Variants in CELSR3 observed in about 807,000 individuals in gnomAD.
The protein encoded by CELSR3 is cadherin EGF LAG seven-pass G-type receptor 3.
In CELSR3, 73 loss-of-function variants were observed where a neutral mutation model predicts 270.0. The observed-to-expected ratio is 0.27, with a 90% CI of 0.22 to 0.33. The LOEUF is 0.33. CELSR3 is among the 10% of genes least tolerant of loss of function. The pLI is 1.00. For missense variants in CELSR3, 3,614 were observed against 4,533.8 expected (o/e 0.80, Z 5.83); for synonymous variants, 1,780 against 1,905.4 (o/e 0.93, Z 1.71).
Position 48,648,622 on chromosome 3 carries a change from T to C in CELSR3, c.6777+97A>G, listed in dbSNP as rs1022766250. The C allele has an allele frequency of 3.4e-6, 5 of 1,457,036 alleles. No homozygotes were observed. The African/African-American group carries it at 5.6e-5, about 16-fold the overall frequency. 90.3% of individuals were successfully genotyped at this position (1,457,036 alleles called of 1,614,324 possible). On this transcript the variant is annotated intron_variant, in intron 18 of 34. Coordinates refer to ENST00000164024, the MANE Select transcript of CELSR3 (RefSeq NM_001407.3). The stretch of plus-strand genomic sequence containing the variant: ...CAGAGGGAGAGCCCAGGACCTTCAC[T>C]TCCCAAGAGAACAGCAGGAGCCTGA...
In CELSR3 at chr3:48,662,619, G is replaced by A; in HGVS notation, c.16C>T (p.Pro6Ser). 2 of 1,424,846 alleles carry A rather than the reference G, an allele frequency of 1.4e-6. No individual in the cohort carries two copies. Among genetic ancestry groups the A allele is most frequent in the Non-Finnish European group, 1.9e-6 (2 of 1,074,160 alleles). The allele number at this position is 1,424,846 out of a possible 1,614,324, so 88.3% of individuals were successfully genotyped here. ...CGTCCCCCGAGGCCCCGCCACGGCG[G>A]CCGCCTCGCCATCATCCCCCGCCTC... Reference protein sequence around the residue: MMARRPPWRGLGGRST... With the variant: MMARRSPWRGLGGRST... Residue 6 changes from proline (P) to serine (S), a missense_variant, in exon 1 of 35, where the codon CCG becomes TCG. By Grantham distance (74) the Pro-to-Ser change is moderately conservative (BLOSUM62 -1). This residue lies in a region of CELSR3 where 470 missense variants were observed against 469.7 expected (regional missense o/e 1.00). Transcript: ENST00000164024. This position sits in a 1 kb window ranked among gnomAD's most constrained non-coding sequence, Gnocchi z 7.1.
At position 48,651,465 on chromosome 3, in the gene CELSR3, C is replaced by T; in HGVS notation, c.6080G>A (p.Cys2027Tyr). ...TGGGCTCCCCCACCAGCCCCGTGGG[C>T]ACTGCTGGTCCATCCTGGGGGTGCA... ...HHCEHRMDQQ[C>Y]PRGWWGSPTC... Residue 2027 changes from cysteine to tyrosine, a missense_variant, in exon 14 of 35, where the codon TGC becomes TAC. Physicochemically the swap from Cys to Tyr is radical, Grantham distance 194. Around this residue, in one of 7 missense-constraint regions of CELSR3, gnomAD observed 1,331 missense variants for 1,933.7 expected, o/e 0.69. Transcript: ENST00000164024. The surrounding 1 kb of genome is among the most constrained non-coding windows in gnomAD (Gnocchi z 7.4). 6.2e-7 allele frequency: 1 copy of T among 1,613,890 alleles called. No homozygotes were observed. The highest frequency in any genetic ancestry group is 8.5e-7 in the Non-Finnish European group (1 of 1,179,936).
Position 48,639,033 on chromosome 3 carries a change from C to T in CELSR3, c.9911+641G>A, listed in dbSNP as rs1200971154. On this transcript the variant is annotated intron_variant, in intron 34 of 34. Transcript: ENST00000164024. The surrounding 1 kb of genome is among the most constrained non-coding windows in gnomAD (Gnocchi z 4.1). ...TTCCTCCCCACTCCCACCAGTCCCT[C>T]TCGGACTCCTGTGTATCCAGCTATT... Among the ~76,000 whole-genome samples the T allele has an allele frequency of 1.3e-5, 2 of 152,098 alleles. No individual in the cohort carries two copies. The highest frequency in any genetic ancestry group is 2.9e-5 in the Non-Finnish European group (2 of 68,014).
chr3:48,641,233 A>G lies in CELSR3; in HGVS notation c.9025+91T>C, dbSNP rs746687440. ...CTAGGTCAGAGTAAGAAGAGCTCTC[A>G]GTTTGGGATGAGGAAGCTGCAATCC... On this transcript the variant is annotated intron_variant, in intron 33 of 34. Coordinates refer to ENST00000164024, the MANE Select transcript of CELSR3 (RefSeq NM_001407.3). This position sits in a 1 kb window ranked among gnomAD's most constrained non-coding sequence, Gnocchi z 4.8. The G allele has an allele frequency of 1.2e-6, 1 of 843,862 alleles. No individual in the cohort carries two copies. The highest frequency in any genetic ancestry group is 2.0e-6 in the Non-Finnish European group (1 of 504,424). 52.3% of individuals were successfully genotyped at this position (843,862 alleles called of 1,614,324 possible). A position where few individuals can be genotyped will look rare whatever the true frequency, so the allele number is the denominator to read the frequency against.
chr3:48,660,468 A>T lies in CELSR3; in HGVS notation c.2167T>A (p.Phe723Ile). The change falls in exon 1 of 35, where the codon TTC (phenylalanine) becomes ATC (isoleucine). Residue 723 changes from phenylalanine to isoleucine, a missense_variant. Physicochemically the swap from Phe to Ile is conservative, Grantham distance 21 (BLOSUM62 0). Coordinates refer to ENST00000164024, the MANE Select transcript of CELSR3 (RefSeq NM_001407.3). This position sits in a 1 kb window ranked among gnomAD's most constrained non-coding sequence, Gnocchi z 5.5. ...PLDRESVEHY[F>I]FGVEARDHGS... ...TGGTCTCGAGCCTCCACACCAAAGAAGTAATGCTCCACAGACTCACGGTCC... is the reference window on the plus strand; with the variant it reads ...TGGTCTCGAGCCTCCACACCAAAGATGTAATGCTCCACAGACTCACGGTCC... 9 of 1,614,160 alleles carry T rather than the reference A, an allele frequency of 5.6e-6. No individual in the cohort carries two copies. Among genetic ancestry groups the T allele is most frequent in the Non-Finnish European group, 7.6e-6 (9 of 1,180,038 alleles).
rs936647260 is a variant in CELSR3, at chr3:48,658,465, G to C, written c.3748+422C>G. Among the ~76,000 whole-genome samples, 11 of 152,296 alleles carry C rather than the reference G, an allele frequency of 7.2e-5. No homozygotes were observed. The highest frequency in any genetic ancestry group is 2.0e-4 in the Admixed American group (3 of 15,296). On this transcript the variant is annotated intron_variant, in intron 1 of 34. Coordinates refer to ENST00000164024, the MANE Select transcript of CELSR3 (RefSeq NM_001407.3). The surrounding 1 kb of genome is among the most constrained non-coding windows in gnomAD (Gnocchi z 4.7). ...GCTGTTCCTGACCACTCAAGTATTG[G>C]TCATTTCCTGCACAGATAGGGTAAG... is the stretch of plus-strand genomic sequence containing the variant.
In CELSR3 at chr3:48,646,707, AG is replaced by A; in HGVS notation, c.7295+55del. The A allele has an allele frequency of 6.4e-7, 1 of 1,551,882 alleles. No homozygotes were observed. The highest frequency in any genetic ancestry group is 8.7e-7 in the Non-Finnish European group (1 of 1,149,694). On this transcript the variant is annotated intron_variant, in intron 21 of 34. Transcript: ENST00000164024. This position sits in a 1 kb window ranked among gnomAD's most constrained non-coding sequence, Gnocchi z 4.8. The stretch of plus-strand genomic sequence containing the variant: ...AACCTACGCATCTACCCACCAAAAA[AG>A]GGGCTGCCAGGCTGAGAAGTTCGTA...
Position 48,659,747 on chromosome 3 carries a change from G to T in CELSR3, c.2888C>A (p.Ala963Asp), listed in dbSNP as rs762354444. The change falls in exon 1 of 35, where the codon GCC (alanine) becomes GAC (aspartate). Residue 963 changes from alanine to aspartate, a missense_variant. By Grantham distance (126) the Ala-to-Asp change is moderately radical. Coordinates refer to ENST00000164024, the MANE Select transcript of CELSR3 (RefSeq NM_001407.3). This position sits in a 1 kb window ranked among gnomAD's most constrained non-coding sequence, Gnocchi z 8.1. ...DVNDNAPQFV[A>D]SHYTGLVSED... ...AGAGACCAGCCCTGTATAGTGGGAGGCCACAAATTGTGGAGCATTGTCATT... is the reference window on the plus strand; with the variant it reads ...AGAGACCAGCCCTGTATAGTGGGAGTCCACAAATTGTGGAGCATTGTCATT... The T allele has an allele frequency of 8.7e-6, 14 of 1,614,202 alleles. No homozygotes were observed. The highest frequency in any genetic ancestry group is 1.2e-5 in the Non-Finnish European group (14 of 1,180,038).
Position 48,658,736 on chromosome 3 carries a change from C to T in CELSR3, c.3748+151G>A. The T allele has an allele frequency of 3.5e-6, 3 of 867,222 alleles. 1 individual carries two copies. In the South Asian group the frequency reaches 5.3e-5, roughly 15 times the overall value. 53.7% of individuals were successfully genotyped at this position (867,222 alleles called of 1,614,324 possible). A position where few individuals can be genotyped will look rare whatever the true frequency, so the allele number is the denominator to read the frequency against. Reference sequence around the variant, plus strand: ...AACCTAAGCAGAGTCCTTGTGAGGTCTGTGGCAGATCTTGTAGGGTGCAGG... The same window carrying T: ...AACCTAAGCAGAGTCCTTGTGAGGTTTGTGGCAGATCTTGTAGGGTGCAGG... On this transcript the variant is annotated intron_variant, in intron 1 of 34. Transcript: ENST00000164024. The surrounding 1 kb of genome is among the most constrained non-coding windows in gnomAD (Gnocchi z 4.7).
chr3:48,655,812 G>A lies in CELSR3; in HGVS notation c.4665C>T (p.Asn1555=), dbSNP rs1473549768. 1 of 1,405,532 alleles carries A rather than the reference G, an allele frequency of 7.1e-7. No individual in the cohort carries two copies. The highest frequency in any genetic ancestry group is 9.5e-7 in the Non-Finnish European group (1 of 1,050,592). 87.1% of individuals were successfully genotyped at this position (1,405,532 alleles called of 1,614,324 possible). Residue 1555 remains asparagine (N), a synonymous_variant, in exon 4 of 35, where the codon AAC becomes AAT. Transcript: ENST00000164024. This position sits in a 1 kb window ranked among gnomAD's most constrained non-coding sequence, Gnocchi z 5.8. ...AGTCGTGCTTCTCGTTCAGGCGCCC[G>A]TTGTAGAAGAGCAGCCCGCTCTGCT... ...TVQQSGLLFY[N]GRLNEKHDFL...
At chr3:48,656,056 C>T (rs555746593) in intron 3 of CELSR3, 84 bp downstream of exon 3, 1 of 1,401,216 alleles carries the variant, frequency 7.1e-7, no homozygotes, top group Non-Finnish European at 9.7e-7. Flanking sequence ...CATGGGGATG[C>T]CAGGACGGGG....
At position 48,652,427 on chromosome 3, in the gene CELSR3, T is replaced by C; in HGVS notation, c.5751+10A>G. On this transcript the variant is annotated intron_variant, in intron 11 of 34. Coordinates refer to ENST00000164024, the MANE Select transcript of CELSR3 (RefSeq NM_001407.3). The surrounding 1 kb of genome is among the most constrained non-coding windows in gnomAD (Gnocchi z 4.3). ...AATGCCCCATATCACATTCCCATGCTGACCCCCACCTGGATGCAGCCAACC... is the reference window on the plus strand; with the variant it reads ...AATGCCCCATATCACATTCCCATGCCGACCCCCACCTGGATGCAGCCAACC... The C allele has an allele frequency of 6.2e-7, 1 of 1,604,136 alleles. No homozygotes were observed. The highest frequency in any genetic ancestry group is 8.5e-7 in the Non-Finnish European group (1 of 1,171,136).
In CELSR3 at chr3:48,641,108, C is replaced by G. The variant is rs2047022330; in HGVS notation, c.9025+216G>C. 1 of 572,464 alleles carries G rather than the reference C, an allele frequency of 1.7e-6. No homozygotes were observed. Among genetic ancestry groups the G allele is most frequent in the African/African-American group, 1.9e-5 (1 of 52,954 alleles). The allele number at this position is 572,464 out of a possible 1,614,324, so 35.5% of individuals were successfully genotyped here. A position where few individuals can be genotyped will look rare whatever the true frequency, so the allele number is the denominator to read the frequency against. On this transcript the variant is annotated intron_variant, in intron 33 of 34. Coordinates refer to ENST00000164024, the MANE Select transcript of CELSR3 (RefSeq NM_001407.3). This position sits in a 1 kb window ranked among gnomAD's most constrained non-coding sequence, Gnocchi z 4.8. The stretch of plus-strand genomic sequence containing the variant: ...GGCAGGAGTGGTCGCCTGTGGTCCC[C>G]CTGTGGTGCTGGCCAGGGTAGAGGG...
chr3:48,651,695 C>A lies in CELSR3; in HGVS notation c.5947G>T (p.Asp1983Tyr). 6.4e-7 allele frequency: 1 copy of A among 1,563,452 alleles called. No individual in the cohort carries two copies. Among genetic ancestry groups the A allele is most frequent in the Admixed American group, 2.0e-5 (1 of 50,608 alleles). ...TGACAGGGGTTCAGGAGGCAGGCATCCACACAGCCTGGGCCGTAGTAACCT... is the reference window on the plus strand; with the variant it reads ...TGACAGGGGTTCAGGAGGCAGGCATACACACAGCCTGGGCCGTAGTAACCT... ...QPGYYGPGCV[D>Y]ACLLNPCQNQ... Residue 1983 changes from aspartate to tyrosine, a missense_variant, in exon 13 of 35, where the codon GAT (aspartate) becomes TAT (tyrosine). Asp to Tyr is a radical substitution (Grantham distance 160). This residue lies in a region of CELSR3 where 1,331 missense variants were observed against 1,933.7 expected (regional missense o/e 0.69). Transcript: ENST00000164024. This position sits in a 1 kb window ranked among gnomAD's most constrained non-coding sequence, Gnocchi z 7.4.
chr3:48,661,319 C>CGGTA lies in CELSR3; in HGVS notation c.1312_1315dup (p.Arg439LeufsTer22). The CGGTA allele has an allele frequency of 6.2e-7, 1 of 1,613,388 alleles. No homozygotes were observed. Among genetic ancestry groups the CGGTA allele is most frequent in the Non-Finnish European group, 8.5e-7 (1 of 1,179,894 alleles). ...CTCCACATTCTCGCGAAGGGTCTCC[C>CGGTA]GGTACTGCGCTTGCTCAAAAACCGG... On this transcript the variant is annotated frameshift_variant, in exon 1 of 35. Transcript: ENST00000164024. LOFTEE classifies it high-confidence loss of function.
chr3:48,651,780 C>T lies in CELSR3; in HGVS notation c.5924-62G>A, dbSNP rs895960082. On this transcript the variant is annotated intron_variant, in intron 12 of 34. Transcript: ENST00000164024. The surrounding 1 kb of genome is among the most constrained non-coding windows in gnomAD (Gnocchi z 7.4). ...CAGAGCATGGAAGGAAGCAGGCACC[C>T]GTCCCGAGTCCCTGCCTCCTTCAGG... 1.4e-5 allele frequency: 22 copies of T among 1,534,852 alleles called. No individual in the cohort carries two copies. Among genetic ancestry groups the T allele is most frequent in the Non-Finnish European group, 1.8e-5 (21 of 1,143,718 alleles).
Position 48,643,640 on chromosome 3 carries a change from T to A in CELSR3, c.8203A>T (p.Ser2735Cys). The change falls in exon 28 of 35, where the codon AGT becomes TGT. Residue 2735 changes from serine to cysteine, a missense_variant. Around this residue, in one of 7 missense-constraint regions of CELSR3, gnomAD observed 1,240 missense variants for 1,351.7 expected, o/e 0.92. Coordinates refer to ENST00000164024, the MANE Select transcript of CELSR3 (RefSeq NM_001407.3). Reference sequence around the variant, plus strand: ...AGGAGCCCAAAGAGCCAGGAGGCACTGACCAGCAGAAGCAGCAGGAAGGAG... The same window carrying A: ...AGGAGCCCAAAGAGCCAGGAGGCACAGACCAGCAGAAGCAGCAGGAAGGAG... ...RSSFLLLLLV[S>C]ASWLFGLLAV... 1 of 1,551,728 alleles carries A rather than the reference T, an allele frequency of 6.4e-7. No homozygotes were observed. Among genetic ancestry groups the A allele is most frequent in the Non-Finnish European group, 8.7e-7 (1 of 1,147,294 alleles).
chr3:48,644,859 G>A lies in CELSR3; in HGVS notation c.7973-31C>T, dbSNP rs2047064617. The A allele has an allele frequency of 1.3e-6, 2 of 1,591,080 alleles. No homozygotes were observed. The highest frequency in any genetic ancestry group is 1.3e-5 in the African/African-American group (1 of 74,412). ...GAAGAGAAAGGGTAGGACTGAGGGT[G>A]TGTGTTCCAGAGCTGCTGACCAGCC... On this transcript the variant is annotated intron_variant, in intron 25 of 34. Coordinates refer to ENST00000164024, the MANE Select transcript of CELSR3 (RefSeq NM_001407.3). This position sits in a 1 kb window ranked among gnomAD's most constrained non-coding sequence, Gnocchi z 4.8.
chr3:48,642,966 C>T lies in CELSR3; in HGVS notation c.8406+1G>A. On this transcript the variant is annotated splice_donor_variant, in intron 29 of 34. Coordinates refer to ENST00000164024, the MANE Select transcript of CELSR3 (RefSeq NM_001407.3). LOFTEE classifies it high-confidence loss of function. This position sits in a 1 kb window ranked among gnomAD's most constrained non-coding sequence, Gnocchi z 6.1. Reference sequence around the variant, plus strand: ...TTCTCAGGGCCCCCATCCCGACTCACCAGCCCAGGTGCTGGCCTTGCCTCC... The same window carrying T: ...TTCTCAGGGCCCCCATCCCGACTCATCAGCCCAGGTGCTGGCCTTGCCTCC... 1 of 1,611,996 alleles carries T rather than the reference C, an allele frequency of 6.2e-7. No individual in the cohort carries two copies. Among genetic ancestry groups the T allele is most frequent in the Non-Finnish European group, 8.5e-7 (1 of 1,179,274 alleles).
Sources: gnomAD v4.1 joint callset for allele counts (sites outside exome capture counted in the v4.1 genomes callset) on GRCh38, gnomAD v4.1.1 for gene constraint, gnomAD v4.1.1 regional missense constraint, Gnocchi (gnomAD v3.1) non-coding constraint, MANE v1.5 for transcripts, NCBI Gene and HGNC (gene_info 2026-07-23, HGNC 2026-07-21) for gene names.